The following RAB23 variants were observed in gnomAD, a reference collection of about 807,000 sequenced individuals.
The protein encoded by RAB23 is ras-related protein Rab-23.
In RAB23, 15 loss-of-function variants were observed where a neutral mutation model predicts 30.0. The ratio of observed to expected loss-of-function variants is 0.50; its 90% CI spans 0.33 to 0.77. The LOEUF (loss-of-function observed/expected upper bound fraction) is 0.77. Among genes scored for constraint, RAB23 ranks in the 30% least tolerant of loss-of-function variants. The pLI, the probability that RAB23 is intolerant of heterozygous loss-of-function variation, is 0.02. For synonymous variants in RAB23, 93 were observed against 94.0 expected (o/e 0.99, Z 0.06); for missense variants, 243 against 275.4 (o/e 0.88, Z 0.83).
intron 6 of RAB23, among the ~76,000 whole-genome samples, chr6:57,192,451 T>C (rs924544943): frequency 2.0e-5 from 3 of 152,216 alleles, no homozygotes; most frequent in African/African-American, 7.2e-5. Flanking sequence ...TGACATTATA[T>C]GTTAAGTGTC....
chr6:57,194,267 G>A (rs1764940664), intron 5 of RAB23, among the ~76,000 whole-genome samples: 1 of 151,876 alleles, frequency 6.6e-6, no homozygotes, highest in South Asian at 2.1e-4. Flanking sequence ...GTGAAGAAAA[G>A]TATCCAAAAT....
In RAB23 at chr6:57,209,523, G is replaced by A. The variant is rs1360512744; in HGVS notation, c.155+703C>T. On this transcript the variant is annotated intron_variant, in intron 2 of 6. Transcript: ENST00000468148. ...CAGACTAGAAATTAATCTTTAAAAT[G>A]ATAAAATTATCTTTGATGTTAAAGT... is the stretch of plus-strand genomic sequence containing the variant. Among the ~76,000 whole-genome samples, 32 of 152,122 alleles carry A rather than the reference G, an allele frequency of 2.1e-4. 1 individual carries two copies. The highest frequency in any genetic ancestry group is 1.9e-4 in the Non-Finnish European group (13 of 68,002).
intron 1 of RAB23, among the ~76,000 whole-genome samples, chr6:57,219,458 G>A (rs997850153): frequency 1.3e-5 from 2 of 152,162 alleles, no homozygotes; most frequent in African/African-American, 2.4e-5. Context: ...AAATTTTTCT[G>A]TATCCACAAG....
At chr6:57,200,779 G>A (rs1192947144) in intron 3 of RAB23, among the ~76,000 whole-genome samples, 1 of 151,844 alleles carries the variant, frequency 6.6e-6, no homozygotes, top group African/African-American at 2.4e-5. Flanking sequence ...ATGGGTGAGA[G>A]TGAGAGTGAA....
intron 3 of RAB23, among the ~76,000 whole-genome samples, chr6:57,199,640 A>G (rs1229474051): frequency 1.3e-5 from 2 of 152,224 alleles, no homozygotes; most frequent in East Asian, 1.9e-4. Flanking sequence ...CTGAAATAAG[A>G]TCGCAAAAAT....
intron 3 of RAB23, among the ~76,000 whole-genome samples, chr6:57,205,147 T>A (rs1765410859): frequency 6.6e-6 from 1 of 151,208 alleles, no homozygotes; most frequent in Non-Finnish European, 1.5e-5. Context: ...ATATACTTTA[T>A]ATACACACAT....
At chr6:57,205,006 TTACA>T (rs1385788948) in intron 3 of RAB23, among the ~76,000 whole-genome samples, 7 of 151,382 alleles carry the variant, frequency 4.6e-5, no homozygotes, top group Non-Finnish European at 7.4e-5. Context: ...ACAGACATGT[TTACA>T]TAGATACATA....
chr6:57,220,214 C>T (rs527624114), intron 1 of RAB23, among the ~76,000 whole-genome samples: 1 of 151,986 alleles, frequency 6.6e-6, no homozygotes, highest in African/African-American at 2.4e-5. Context: ...GATACCACTA[C>T]ACACCTATTA....
intron 1 of RAB23, among the ~76,000 whole-genome samples, chr6:57,215,792 G>GA (rs1027942035): frequency 1.3e-5 from 2 of 151,062 alleles, no homozygotes; most frequent in Non-Finnish European, 3.0e-5. Context: ...TTTGATAGTT[G>GA]AAAAAAAAAT....
At chr6:57,192,758 C>CT (rs1392680365) in intron 6 of RAB23, among the ~76,000 whole-genome samples, 1 of 152,144 alleles carries the variant, frequency 6.6e-6, no homozygotes, top group Admixed American at 6.5e-5. Flanking sequence ...GAGGATGTGT[C>CT]TTCAGGCAGG....
At chr6:57,208,566 G>A (rs1033097524) in intron 2 of RAB23, among the ~76,000 whole-genome samples, 2 of 144,248 alleles carry the variant, frequency 1.4e-5, no homozygotes, top group Admixed American at 7.1e-5. Flanking sequence ...AGAATCGCTT[G>A]AGCCTGGGAG....
intron 1 of RAB23, 96 bp from the exon 2 acceptor site, chr6:57,210,541 T>G: frequency 1.3e-6 from 1 of 795,430 alleles, no homozygotes; most frequent in East Asian, 2.6e-5. Flanking sequence ...ATTGCAAGGA[T>G]GTGTTTTCAT....
At chr6:57,214,412 TCAAG>T (rs757349577) in intron 1 of RAB23, among the ~76,000 whole-genome samples, 1 of 152,178 alleles carries the variant, frequency 6.6e-6, no homozygotes, top group South Asian at 2.1e-4. Flanking sequence ...CTTCCTGGGC[TCAAG>T]CAATCATCCC....
At chr6:57,206,682 G>C (rs768081981) in intron 3 of RAB23, among the ~76,000 whole-genome samples, 8 of 152,130 alleles carry the variant, frequency 5.3e-5, no homozygotes, top group Admixed American at 5.2e-4. Flanking sequence ...AACCTCTGCC[G>C]AACAGCCTTT....
chr6:57,197,628 G>C (rs142662305), intron 3 of RAB23, among the ~76,000 whole-genome samples: 359 of 152,270 alleles, frequency 2.4e-3, no homozygotes, highest in African/African-American at 8.3e-3. Context: ...ATATATCACT[G>C]GGGGAATACT....
rs1349706491 is a variant in RAB23, at chr6:57,189,428, T to TG, written c.*1032dup. 6.6e-6 allele frequency: 1 copy of TG among 152,222 alleles called. No homozygotes were observed. Among genetic ancestry groups the TG allele is most frequent in the Non-Finnish European group, 1.5e-5 (1 of 68,040 alleles). The allele number at this position is 152,222 out of a possible 1,614,324, so 9.4% of individuals were successfully genotyped here. On this transcript the variant is annotated 3_prime_UTR_variant, in exon 7 of 7. Transcript: ENST00000468148. ...TAGTGTAATCTTGTAAGTTCAAAGC[T>TG]GGGTTCTCAGTGAGCAGCAAAAGGT...
intron 1 of RAB23, among the ~76,000 whole-genome samples, chr6:57,214,716 T>A (rs1051141659): frequency 6.6e-6 from 1 of 152,044 alleles, no homozygotes; most frequent in Non-Finnish European, 1.5e-5. Context: ...AGGAAGAGAA[T>A]CAAGCTAAAA....
At chr6:57,215,753 T>C (rs905522204) in intron 1 of RAB23, among the ~76,000 whole-genome samples, 13 of 152,094 alleles carry the variant, frequency 8.5e-5, no homozygotes, top group Non-Finnish European at 1.8e-4. Context: ...TACAACAGAC[T>C]TCCCTTCTCT....
chr6:57,192,817 T>G (rs977549400), intron 6 of RAB23, among the ~76,000 whole-genome samples: 4 of 152,152 alleles, frequency 2.6e-5, no homozygotes, highest in Non-Finnish European at 5.9e-5. Flanking sequence ...GAATGAATTG[T>G]TCTTCGACAG....
Sources: gnomAD v4.1 joint callset for allele counts (sites outside exome capture counted in the v4.1 genomes callset) on GRCh38, gnomAD v4.1.1 for gene constraint, MANE v1.5 for transcripts, NCBI Gene and HGNC (gene_info 2026-07-23, HGNC 2026-07-21) for gene names.